Variants in NEURL4 observed in about 807,000 individuals in gnomAD.
NEURL4 encodes the protein neuralized E3 ubiquitin protein ligase 4.
Under a neutral mutation model 148.0 loss-of-function variants are expected in NEURL4, and 45 were observed. The observed-to-expected ratio is 0.30, with a 90% CI of 0.24 to 0.39. NEURL4 has a LOEUF of 0.39. Ranked by LOEUF, NEURL4 falls within the 10% of genes least tolerant of loss-of-function variation. The pLI, the probability that NEURL4 is intolerant of heterozygous loss-of-function variation, is 1.00. For synonymous variants in NEURL4, 854 were observed against 869.0 expected, an observed-to-expected ratio of 0.98 and a Z score of 0.30; for missense variants, 1,776 against 2,144.0, an observed-to-expected ratio of 0.83 and a Z score of 3.39.
In NEURL4 at chr17:7,323,575, C is replaced by G; in HGVS notation, c.2339-12G>C. The G allele has an allele frequency of 6.2e-7, 1 of 1,614,178 alleles. No individual in the cohort carries two copies. The highest frequency in any genetic ancestry group is 1.1e-5 in the South Asian group (1 of 91,082). ...AATAGCAGTCACTCCTGGGAGGAGG[C>G]AGGGGTAAGTCAAGGCCGATCCCCA... On this transcript the variant is annotated splice_polypyrimidine_tract_variant and intron_variant, in intron 13 of 28. Transcript: ENST00000399464.
intron 6 of NEURL4, 32 bp from the exon 7 acceptor site, chr17:7,325,745 T>A (rs1198873295): frequency 1.9e-6 from 3 of 1,564,442 alleles, no homozygotes; most frequent in African/African-American, 2.7e-5. Flanking sequence ...TTTAGAGGAG[T>A]CCTGAGGCCT....
At chr17:7,325,760 A>G in intron 6 of NEURL4, 47 bp from the exon 7 acceptor site, 1 of 1,454,106 alleles carries the variant, frequency 6.9e-7, no homozygotes, top group Non-Finnish European at 9.7e-7. Flanking sequence ...AGGCCTGCTC[A>G]GCACCCCACT....
chr17:7,321,074 C>G lies in NEURL4; in HGVS notation c.3360+38G>C. On this transcript the variant is annotated intron_variant, in intron 20 of 28. Transcript: ENST00000399464. The surrounding 1 kb of genome is among the most constrained non-coding windows in gnomAD (Gnocchi z 6.3). ...GGCATCCAACGGCCCAGCAACTGCC[C>G]ATCCATGTGCACAGCAGACCATGCT... 1.2e-6 allele frequency: 2 copies of G among 1,604,164 alleles called. No homozygotes were observed. Among genetic ancestry groups the G allele is most frequent in the South Asian group, 1.1e-5 (1 of 90,658 alleles).
At position 7,324,137 on chromosome 17, in the gene NEURL4, G is replaced by A. The variant is rs767504785; in HGVS notation, c.2033C>T (p.Ala678Val). 1.7e-5 allele frequency: 28 copies of A among 1,613,354 alleles called. No individual in the cohort carries two copies. The highest frequency in any genetic ancestry group is 6.6e-5 in the South Asian group (6 of 91,088). The change falls in exon 11 of 29, where the codon GCG becomes GTG. Residue 678 changes from alanine to valine, a missense_variant. By Grantham distance (64) the Ala-to-Val change is moderately conservative. Transcript: ENST00000399464. This position sits in a 1 kb window ranked among gnomAD's most constrained non-coding sequence, Gnocchi z 5.9. ...VYAVVDLYGQ[A>V]AQATIVDDVE... The stretch of plus-strand genomic sequence containing the variant: ...GTCGTCCACAATGGTGGCCTGGGCC[G>A]CCTGGCCATAGAGATCGACGACAGC...
In NEURL4 at chr17:7,318,221, AG is replaced by A. The variant is rs2072977853; in HGVS notation, c.3952+47del. 6.2e-7 allele frequency: 1 copy of A among 1,610,998 alleles called. No homozygotes were observed. Among genetic ancestry groups the A allele is most frequent in the African/African-American group, 1.3e-5 (1 of 74,830 alleles). On this transcript the variant is annotated intron_variant, in intron 24 of 28. Coordinates refer to ENST00000399464, the MANE Select transcript of NEURL4 (RefSeq NM_032442.3). The surrounding 1 kb of genome is among the most constrained non-coding windows in gnomAD (Gnocchi z 4.3). ...TCACAGGAGCTGGGCTAGAAGGGTG[AG>A]GGTGGGGGAGTAGGGGCAGGAGCTG...
rs1448775167 is a variant in NEURL4 at position 7,326,951 on chromosome 17, A to G, written c.852T>C (p.Asn284=). The stretch of plus-strand genomic sequence containing the variant: ...TCAGGTTCACATTCAGGAGCCCTCC[A>G]TTGTAGGCAGACAGGATGGTGTTGC... ...VVSNTILSAY[N]GGLLNVNLSS... Residue 284 remains asparagine (N), a synonymous_variant, in exon 4 of 29, where the codon AAT becomes AAC. Transcript: ENST00000399464. This position sits in a 1 kb window ranked among gnomAD's most constrained non-coding sequence, Gnocchi z 6.0. 3.1e-6 allele frequency: 5 copies of G among 1,613,564 alleles called. No homozygotes were observed. The highest frequency in any genetic ancestry group is 2.7e-5 in the African/African-American group (2 of 74,898).
chr17:7,325,635 C>G lies in NEURL4; in HGVS notation c.1366+6G>C. 1 of 1,613,448 alleles carries G rather than the reference C, an allele frequency of 6.2e-7. No individual in the cohort carries two copies. The highest frequency in any genetic ancestry group is 8.5e-7 in the Non-Finnish European group (1 of 1,179,772). The stretch of plus-strand genomic sequence containing the variant: ...GGCCCAGAGGCTCTCTCTGGGCGGC[C>G]CTTACCCTGATCGATACCATTAATG... On this transcript the variant is annotated splice_donor_region_variant and intron_variant, in intron 7 of 28. Coordinates refer to ENST00000399464, the MANE Select transcript of NEURL4 (RefSeq NM_032442.3).
chr17:7,320,211 T>TA lies in NEURL4; in HGVS notation c.3525+547dup, dbSNP rs1373263170. Among the ~76,000 whole-genome samples, 8 of 143,034 alleles carry TA rather than the reference T, an allele frequency of 5.6e-5. No homozygotes were observed. The East Asian group carries it at 1.7e-3, about 30-fold the overall frequency. The allele number at this position is 143,034 out of a possible 152,430, so 93.8% of individuals were successfully genotyped here. A position where few individuals can be genotyped will look rare whatever the true frequency, so the allele number is the denominator to read the frequency against. On this transcript the variant is annotated intron_variant, in intron 21 of 28. Transcript: ENST00000399464. ...GCGGTGGCGTGATCTCGGCTTACTGTAACCTCTGCCTCCCAGGTTCAAGTG... is the reference window on the plus strand; with the variant it reads ...GCGGTGGCGTGATCTCGGCTTACTGTAAACCTCTGCCTCCCAGGTTCAAGTG...
chr17:7,325,145 G>GGGGGGGGGGGGGGCC, intron 8 of NEURL4, 64 bp downstream of exon 8: 1 of 830,664 alleles, frequency 1.2e-6, no homozygotes. Flanking sequence ...CCACTTCCTT[G>GGGGGGGGGGGGGGCC]CCCCGCCCCC....
chr17:7,327,910 C>T lies in NEURL4; in HGVS notation c.283-26G>A, dbSNP rs2073124741. The T allele has an allele frequency of 6.5e-7, 1 of 1,539,396 alleles. No individual in the cohort carries two copies. The highest frequency in any genetic ancestry group is 1.4e-5 in the African/African-American group (1 of 73,034). On this transcript the variant is annotated intron_variant, in intron 1 of 28. Coordinates refer to ENST00000399464, the MANE Select transcript of NEURL4 (RefSeq NM_032442.3). This position sits in a 1 kb window ranked among gnomAD's most constrained non-coding sequence, Gnocchi z 6.6. ...CTGGGATAGGGGTATTGGACAGAGG[C>T]TTAGAATGGGCCACCCCCCATTCCA...
Position 7,319,059 on chromosome 17 carries a change from G to C in NEURL4, c.3675C>G (p.Asn1225Lys). 1 of 1,611,878 alleles carries C rather than the reference G, an allele frequency of 6.2e-7. No homozygotes were observed. Among genetic ancestry groups the C allele is most frequent in the Non-Finnish European group, 8.5e-7 (1 of 1,178,948 alleles). ...WLLRGRGVFH[N>K]GLKICEKFGP... The stretch of plus-strand genomic sequence containing the variant: ...TCTGGCTCCTACTCACCTTGAGACC[G>C]TTGTGGAAGACCCCACGGCCCCGCA... The change falls in exon 22 of 29, where the codon AAC becomes AAG. Residue 1225 changes from asparagine to lysine, a missense_variant. Coordinates refer to ENST00000399464, the MANE Select transcript of NEURL4 (RefSeq NM_032442.3).
chr17:7,319,725 C>A (rs147201926), intron 21 of NEURL4, among the ~76,000 whole-genome samples: 50,400 of 141,358 alleles, frequency 0.36, 11,210 homozygotes, highest in South Asian at 0.55. Flanking sequence ...AACAAAAAAA[C>A]AAAAAAAAAA....
intron 8 of NEURL4, 59 bp downstream of exon 8, chr17:7,325,147 CCCG>C (rs2073086147): frequency 4.7e-6 from 2 of 426,882 alleles, no homozygotes; most frequent in Non-Finnish European, 8.4e-6. Context: ...ACTTCCTTGC[CCCG>C]CCCCCCCCCC....
At position 7,319,614 on chromosome 17, in the gene NEURL4, C is replaced by T. The variant is rs371551665; in HGVS notation, c.3526-406G>A. On this transcript the variant is annotated intron_variant, in intron 21 of 28. Coordinates refer to ENST00000399464, the MANE Select transcript of NEURL4 (RefSeq NM_032442.3). ...ACTTGGGAGGCTGAGGCAGAAGAAT[C>T]GCTTGAACCCGGGAGGTGGAGGTTG... Among the ~76,000 whole-genome samples, 72 of 149,354 alleles carry T rather than the reference C, an allele frequency of 4.8e-4. No individual in the cohort carries two copies. The South Asian group carries it at 0.015, about 32-fold the overall frequency.
At position 7,318,594 on chromosome 17, in the gene NEURL4, C is replaced by A; in HGVS notation, c.3765G>T (p.Gly1255=). 2.5e-6 allele frequency: 4 copies of A among 1,613,996 alleles called. No homozygotes were observed. In the Middle Eastern group the frequency reaches 4.9e-4, roughly 200 times the overall value. The change falls in exon 23 of 29, where the codon GGG becomes GGT. Residue 1255 remains glycine (G), a synonymous_variant. Coordinates refer to ENST00000399464, the MANE Select transcript of NEURL4 (RefSeq NM_032442.3). The surrounding 1 kb of genome is among the most constrained non-coding windows in gnomAD (Gnocchi z 4.3). The stretch of plus-strand genomic sequence containing the variant: ...CCACCCCATTAACATGAAGATGCAG[C>A]CCCCCAGAGCTGTCCAGCCGCAGTC... The part of the protein sequence containing the change: ...ILGLRLDSSG[G]LHLHVNGVDQ...
rs1164746049 is a variant in NEURL4 at position 7,327,632 on chromosome 17, C to T, written c.535G>A (p.Gly179Ser). ...GGGGGCAGGCCTGTGGCAGCCACACCGCAATCCCGCCCATTCACCCAGAGC... is the reference window on the plus strand; with the variant it reads ...GGGGGCAGGCCTGTGGCAGCCACACTGCAATCCCGCCCATTCACCCAGAGC... ...LRLWVNGRDC[G>S]VAATGLPPRV... The change falls in exon 2 of 29, where the codon GGT becomes AGT. Residue 179 changes from glycine to serine, a missense_variant. Coordinates refer to ENST00000399464, the MANE Select transcript of NEURL4 (RefSeq NM_032442.3). The surrounding 1 kb of genome is among the most constrained non-coding windows in gnomAD (Gnocchi z 6.6). The T allele has an allele frequency of 3.7e-6, 6 of 1,613,082 alleles. No homozygotes were observed. The highest frequency in any genetic ancestry group is 3.3e-5 in the South Asian group (3 of 91,088).
In NEURL4 at chr17:7,322,775, G is replaced by A. The variant is rs1241728630; in HGVS notation, c.2685C>T (p.Ser895=). ...GGAAGGACTTCTCGGTGGCAGTGTT[G>A]CTGGTCGCCAGGCTGTTGTCCATGG... ...TGPMDNSLAT[S]NTATEKSFPL... is the part of the protein sequence containing the mutation. The change falls in exon 16 of 29, where the codon AGC becomes AGT. Residue 895 remains serine (S), a synonymous_variant. Coordinates refer to ENST00000399464, the MANE Select transcript of NEURL4 (RefSeq NM_032442.3). This position sits in a 1 kb window ranked among gnomAD's most constrained non-coding sequence, Gnocchi z 5.5. The A allele has an allele frequency of 6.2e-7, 1 of 1,612,322 alleles. No homozygotes were observed. The highest frequency in any genetic ancestry group is 1.3e-5 in the African/African-American group (1 of 74,724).
At position 7,317,442 on chromosome 17, in the gene NEURL4, T is replaced by C. The variant is rs1425425992; in HGVS notation, c.4318+19A>G. The C allele has an allele frequency of 1.9e-6, 3 of 1,613,724 alleles. No homozygotes were observed. The highest frequency in any genetic ancestry group is 4.5e-5 in the East Asian group (2 of 44,892). Reference sequence around the variant, plus strand: ...CCCCCCAGGCTCAGCCCACCTTGCATGGGCCTACTCGCCAGTACCTGCTCC... The same window carrying C: ...CCCCCCAGGCTCAGCCCACCTTGCACGGGCCTACTCGCCAGTACCTGCTCC... On this transcript the variant is annotated intron_variant, in intron 27 of 28. Coordinates refer to ENST00000399464, the MANE Select transcript of NEURL4 (RefSeq NM_032442.3).
At position 7,327,094 on chromosome 17, in the gene NEURL4, T is replaced by G; in HGVS notation, c.793+71A>C. On this transcript the variant is annotated intron_variant, in intron 3 of 28. Transcript: ENST00000399464. This position sits in a 1 kb window ranked among gnomAD's most constrained non-coding sequence, Gnocchi z 6.6. Reference sequence around the variant, plus strand: ...GACCTGGTGCCTCTCTCCCTACCCCTTCTCCTGAGGGCCCTCCCTTGTCCA... The same window carrying G: ...GACCTGGTGCCTCTCTCCCTACCCCGTCTCCTGAGGGCCCTCCCTTGTCCA... 3 of 1,600,788 alleles carry G rather than the reference T, an allele frequency of 1.9e-6. No individual in the cohort carries two copies. Among genetic ancestry groups the G allele is most frequent in the Non-Finnish European group, 2.6e-6 (3 of 1,174,180 alleles).
Sources: allele counts gnomAD v4.1 joint callset (sites outside exome capture counted in the v4.1 genomes callset), GRCh38; gene constraint gnomAD v4.1.1; non-coding constraint Gnocchi (gnomAD v3.1); transcripts MANE v1.5; gene names NCBI Gene and HGNC (gene_info 2026-07-23, HGNC 2026-07-21).